Variants in PRKCE observed in about 807,000 individuals in gnomAD.
The protein encoded by PRKCE is protein kinase C epsilon.
Under a neutral mutation model 85.4 loss-of-function variants are expected in PRKCE, and 16 were observed. That is an observed-to-expected ratio of 0.19 (90% CI 0.13 to 0.28). The LOEUF (loss-of-function observed/expected upper bound fraction) is 0.28, where lower values mean the gene tolerates loss of function less well. Ranked by LOEUF, PRKCE falls within the 10% of genes least tolerant of loss-of-function variation. The pLI is 1.00. For missense variants in PRKCE, 573 were observed against 975.2 expected, an observed-to-expected ratio of 0.59 and a Z score of 5.49; for synonymous variants, 388 against 371.5, an observed-to-expected ratio of 1.04 and a Z score of -0.51.
chr2:46,184,648 G>A lies in PRKCE; in HGVS notation c.2068-87G>A. ...AGCTAGAGGCCTGCTTTGGTGACAG[G>A]CTGGTCAGTGCGGTGCCCACTCCCC... On this transcript the variant is annotated intron_variant, in intron 14 of 14. Transcript: ENST00000306156. This position sits in a 1 kb window ranked among gnomAD's most constrained non-coding sequence, Gnocchi z 5.0. 1.3e-6 allele frequency: 2 copies of A among 1,505,238 alleles called. No homozygotes were observed. Among genetic ancestry groups the A allele is most frequent in the Non-Finnish European group, 1.8e-6 (2 of 1,121,506 alleles). 93.2% of individuals were successfully genotyped at this position (1,505,238 alleles called of 1,614,324 possible).
At chr2:45,857,030 C>G (rs1039169509) in intron 2 of PRKCE, among the ~76,000 whole-genome samples, 1 of 152,126 alleles carries the variant, frequency 6.6e-6, no homozygotes, top group African/African-American at 2.4e-5. Flanking sequence ...GCAGATGTCT[C>G]TTTGACATTT....
chr2:45,909,962 C>T (rs1697258095), intron 2 of PRKCE, among the ~76,000 whole-genome samples: 1 of 152,048 alleles, frequency 6.6e-6, no homozygotes, highest in Non-Finnish European at 1.5e-5. Flanking sequence ...CAAATAGAAC[C>T]GGAATCACAC....
intron 2 of PRKCE, among the ~76,000 whole-genome samples, chr2:45,974,333 G>T (rs1702296912): frequency 6.6e-6 from 1 of 152,194 alleles, no homozygotes; most frequent in Non-Finnish European, 1.5e-5. Flanking sequence ...AGACCCCTAG[G>T]TTGGAGCAGG....
chr2:46,075,605 C>A (rs1214133033), intron 10 of PRKCE, among the ~76,000 whole-genome samples: 2 of 151,934 alleles, frequency 1.3e-5, no homozygotes, highest in African/African-American at 4.8e-5. Context: ...AAAAATTAGG[C>A]AGGCATGGTC....
At chr2:45,886,391 C>T (rs1695306562) in intron 2 of PRKCE, among the ~76,000 whole-genome samples, 2 of 152,214 alleles carry the variant, frequency 1.3e-5, no homozygotes, top group Admixed American at 1.3e-4. Context: ...TTAGAGCACA[C>T]TATGAGATTG....
chr2:45,941,356 T>G (rs902162257), intron 2 of PRKCE, among the ~76,000 whole-genome samples: 5 of 152,120 alleles, frequency 3.3e-5, no homozygotes, highest in Non-Finnish European at 4.4e-5. Flanking sequence ...ATGGACATCA[T>G]TGGTATATTC....
chr2:46,163,704 CACACCCCAAAGAG>C (rs1678018265), intron 14 of PRKCE, among the ~76,000 whole-genome samples: 2 of 126,452 alleles, frequency 1.6e-5, no homozygotes, highest in African/African-American at 3.1e-5. Flanking sequence ...GAAGCTGAGG[CACACCCCAAAGAG>C]GCCACTGAGA....
chr2:45,694,735 G>A (rs1313708406), intron 1 of PRKCE, among the ~76,000 whole-genome samples: 1 of 152,216 alleles, frequency 6.6e-6, no homozygotes, highest in Non-Finnish European at 1.5e-5. Flanking sequence ...TGGGTGGATG[G>A]CCAATATGCT....
At chr2:46,044,481 T>G (rs1472506405) in intron 10 of PRKCE, among the ~76,000 whole-genome samples, 1 of 152,228 alleles carries the variant, frequency 6.6e-6, no homozygotes, top group African/African-American at 2.4e-5. Flanking sequence ...ATTCATGTAA[T>G]AAATACGCTT....
intron 11 of PRKCE, among the ~76,000 whole-genome samples, chr2:46,102,064 T>A (rs1275601149): frequency 5.9e-5 from 9 of 152,098 alleles, no homozygotes; most frequent in African/African-American, 2.2e-4. Context: ...ATTGTGCGTG[T>A]CTCTTCCCCA....
chr2:45,938,395 TTACTC>T (rs1353488315), intron 2 of PRKCE, among the ~76,000 whole-genome samples: 2 of 152,122 alleles, frequency 1.3e-5, no homozygotes, highest in Admixed American at 6.5e-5. Context: ...CTATACATAA[TTACTC>T]TAAGAAAACA....
intron 1 of PRKCE, among the ~76,000 whole-genome samples, chr2:45,807,981 C>T (rs1445900242): frequency 6.6e-6 from 1 of 152,018 alleles, no homozygotes; most frequent in East Asian, 1.9e-4. Flanking sequence ...CTGTGCCACC[C>T]CCTGCATCTG....
intron 10 of PRKCE, among the ~76,000 whole-genome samples, chr2:46,049,379 C>T (rs1280555683): frequency 6.6e-6 from 1 of 152,194 alleles, no homozygotes; most frequent in African/African-American, 2.4e-5. Flanking sequence ...TCTCTCATGC[C>T]CACAGATACT....
intron 10 of PRKCE, among the ~76,000 whole-genome samples, chr2:46,059,542 C>T (rs903207559): frequency 1.3e-5 from 2 of 152,114 alleles, no homozygotes; most frequent in Non-Finnish European, 2.9e-5. Context: ...AAAACTCAGG[C>T]CATTAGGATT....
At chr2:46,061,498 T>C (rs556446074) in intron 10 of PRKCE, among the ~76,000 whole-genome samples, 1 of 152,320 alleles carries the variant, frequency 6.6e-6, no homozygotes, top group Admixed American at 6.5e-5. Context: ...TTCTCTCAAG[T>C]CCGTTGTTAC....
At chr2:46,009,175 C>T (rs922517707) in intron 9 of PRKCE, among the ~76,000 whole-genome samples, 2 of 152,112 alleles carry the variant, frequency 1.3e-5, no homozygotes, top group Non-Finnish European at 2.9e-5. Flanking sequence ...ACGTTTCCAG[C>T]TTCAGAGTTA....
intron 2 of PRKCE, among the ~76,000 whole-genome samples, chr2:45,891,449 A>G (rs1045724848): frequency 6.6e-6 from 1 of 152,196 alleles, no homozygotes; most frequent in Non-Finnish European, 1.5e-5. Context: ...CATTGCTCCC[A>G]TCCTGATGCT....
In PRKCE at chr2:46,136,689, G is replaced by T. The variant is rs111701516; in HGVS notation, c.1593-8404G>T. ...GAAGTTGAAGGGTCTGGAAGCTGTC[G>T]CATGAATCCTGTTGATCAACATCTG... On this transcript the variant is annotated intron_variant, in intron 11 of 14. Transcript: ENST00000306156. Among the ~76,000 whole-genome samples the T allele has an allele frequency of 2.0e-3, 301 of 152,274 alleles. 1 individual carries two copies. Among genetic ancestry groups the T allele is most frequent in the African/African-American group, 6.8e-3 (282 of 41,550 alleles).
intron 10 of PRKCE, among the ~76,000 whole-genome samples, chr2:46,014,999 T>C (rs1574232217): frequency 6.6e-6 from 1 of 152,172 alleles, no homozygotes; most frequent in East Asian, 1.9e-4. Flanking sequence ...GGGAGGGTAT[T>C]TGGAAAATAA....
Sources: allele counts gnomAD v4.1 joint callset (sites outside exome capture counted in the v4.1 genomes callset), GRCh38; gene constraint gnomAD v4.1.1; non-coding constraint Gnocchi (gnomAD v3.1); transcripts MANE v1.5; gene names NCBI Gene and HGNC (gene_info 2026-07-23, HGNC 2026-07-21).